Variants in MTUS1 observed in about 807,000 individuals in gnomAD.
MTUS1 encodes the protein microtubule associated scaffold protein 1.
MTUS1 carries 109 observed loss-of-function variants against 120.8 expected under a neutral mutation model. The ratio of observed to expected loss-of-function variants is 0.90; its 90% confidence interval spans 0.77 to 1.06. The LOEUF (loss-of-function observed/expected upper bound fraction) is 1.06, where lower values mean the gene tolerates loss of function less well. MTUS1 is among the 50% of genes least tolerant of loss of function. MTUS1 has a pLI of 0.00. For missense variants in MTUS1, 2,210 were observed against 1,486.3 expected (o/e 1.49, Z -8.01); for synonymous variants, 737 against 550.5 (o/e 1.34, Z -4.74).
At chr8:17,655,553 G>A (rs970820946) in intron 9 of MTUS1, among the ~76,000 whole-genome samples, 10 of 151,974 alleles carry the variant, frequency 6.6e-5, no homozygotes, top group Non-Finnish European at 8.8e-5. Context: ...GTGAAACCCC[G>A]TCTCTACTAA....
rs1306521303 is a variant in MTUS1, at chr8:17,649,874, T to G, written c.3473A>C (p.Asp1158Ala). 1 of 1,600,810 alleles carries G rather than the reference T, an allele frequency of 6.2e-7. No individual in the cohort carries two copies. The highest frequency in any genetic ancestry group is 1.1e-5 in the South Asian group (1 of 90,778). Residue 1158 changes from aspartate to alanine, a missense_variant, in exon 13 of 15, where the codon GAC (aspartate) becomes GCC (alanine). Physicochemically the swap from Asp to Ala is moderately radical, Grantham distance 126. Transcript: ENST00000693296. ...TTTCTCCATTTTCATTAACTTGATG[T>G]CCTGTTGATGCAGTTTCTCATTCTT... The part of the protein sequence containing the change: ...EIKNEKLHQQ[D>A]IKLMKMEKLV...
intron 7 of MTUS1, chr8:17,676,152 A>G (rs1258270697): frequency 1.5e-6 from 1 of 669,600 alleles, no homozygotes; most frequent in Non-Finnish European, 2.7e-6. Context: ...TGCAGAGATC[A>G]TGAGACCCGG....
chr8:17,715,709 C>A (rs1822183632), intron 5 of MTUS1, 58 bp downstream of exon 5: 2 of 1,523,756 alleles, frequency 1.3e-6, no homozygotes, highest in Non-Finnish European at 8.8e-7. Flanking sequence ...TAACTTTCTA[C>A]AAGCCAAGGA....
At chr8:17,772,782 T>C (rs180690092) in intron 1 of MTUS1, among the ~76,000 whole-genome samples, 41 of 152,280 alleles carry the variant, frequency 2.7e-4, no homozygotes, top group African/African-American at 7.5e-4. Flanking sequence ...GTAGTTCTTC[T>C]AATTTCTGAA....
chr8:17,707,681 T>C (rs1270715546), intron 6 of MTUS1, among the ~76,000 whole-genome samples: 1 of 152,130 alleles, frequency 6.6e-6, no homozygotes, highest in Admixed American at 6.6e-5. Context: ...GGACCCAGAA[T>C]AGCCATAACT....
intron 3 of MTUS1, among the ~76,000 whole-genome samples, chr8:17,729,464 G>A (rs1453803006): frequency 2.0e-5 from 3 of 151,064 alleles, no homozygotes; most frequent in African/African-American, 7.3e-5. Flanking sequence ...CTATGTGCCA[G>A]GAAAAAACAG....
At chr8:17,740,207 C>CAA (rs752658739) in intron 3 of MTUS1, among the ~76,000 whole-genome samples, 17 of 126,532 alleles carry the variant, frequency 1.3e-4, no homozygotes, top group East Asian at 4.5e-4. Context: ...GACTCCGTCT[C>CAA]AAAAAAAAAA....
chr8:17,800,120 T>C (rs557459323), intron 1 of MTUS1, among the ~76,000 whole-genome samples: 51 of 152,166 alleles, frequency 3.4e-4, no homozygotes, highest in Non-Finnish European at 5.6e-4. Flanking sequence ...TGTTATCTTG[T>C]ATATACCCTC....
At chr8:17,720,362 A>G (rs1269218440) in intron 4 of MTUS1, among the ~76,000 whole-genome samples, 3 of 152,020 alleles carry the variant, frequency 2.0e-5, no homozygotes, top group Admixed American at 1.3e-4. Flanking sequence ...AAAAAAACAA[A>G]AAACAAAAAA....
intron 4 of MTUS1, chr8:17,722,534 G>A (rs2045920570): frequency 1.0e-6 from 1 of 985,150 alleles, no homozygotes; most frequent in Admixed American, 6.2e-5. Flanking sequence ...ACATATCCCA[G>A]TATTCCTGAA....
chr8:17,777,183 C>T (rs912818090), intron 1 of MTUS1, among the ~76,000 whole-genome samples: 8 of 152,052 alleles, frequency 5.3e-5, no homozygotes, highest in African/African-American at 1.9e-4. Context: ...ATGCTTGTAA[C>T]CCCAGCACTT....
At chr8:17,761,214 T>C (rs1475070233) in intron 1 of MTUS1, among the ~76,000 whole-genome samples, 2 of 152,188 alleles carry the variant, frequency 1.3e-5, no homozygotes, top group Non-Finnish European at 2.9e-5. Flanking sequence ...TGAGGTATAA[T>C]TCCAATGCCT....
rs202144997 is a variant in MTUS1, at chr8:17,762,997, C to T, written c.-154-7036G>A. 6.1e-5 allele frequency among the ~76,000 whole-genome samples: 9 copies of T among 146,634 alleles called. No individual in the cohort carries two copies. The East Asian group carries it at 1.6e-3, about 26-fold the overall frequency. ...TGACTGCTTTCACATCCAATGGTAC[C>T]TTTTTTTTTTTTGAGACGAAGTCTT... On this transcript the variant is annotated intron_variant, in intron 1 of 14. Transcript: ENST00000693296.
chr8:17,669,566 C>T (rs539716043), intron 8 of MTUS1, among the ~76,000 whole-genome samples: 18 of 152,230 alleles, frequency 1.2e-4, no homozygotes, highest in African/African-American at 4.3e-4. Context: ...CCAGTACAGG[C>T]CAGGAGTGGT....
At chr8:17,647,781 A>C (rs1424213450) in intron 13 of MTUS1, among the ~76,000 whole-genome samples, 1 of 152,186 alleles carries the variant, frequency 6.6e-6, no homozygotes, top group African/African-American at 2.4e-5. Context: ...TTAATCACTT[A>C]ACATGATGAA....
At chr8:17,675,547 C>G (rs1812924981) in intron 7 of MTUS1, among the ~76,000 whole-genome samples, 1 of 152,174 alleles carries the variant, frequency 6.6e-6, no homozygotes, top group Non-Finnish European at 1.5e-5. Flanking sequence ...ATCCATAGAA[C>G]CTTTCGGCTA....
chr8:17,739,520 TAAATC>T (rs2047165024), intron 3 of MTUS1, among the ~76,000 whole-genome samples: 1 of 151,816 alleles, frequency 6.6e-6, no homozygotes, highest in African/African-American at 2.4e-5. Flanking sequence ...AATAAATTAA[TAAATC>T]AAACAAACAA....
At chr8:17,721,540 G>T (rs556381253) in intron 4 of MTUS1, among the ~76,000 whole-genome samples, 3 of 152,138 alleles carry the variant, frequency 2.0e-5, no homozygotes, top group East Asian at 3.9e-4. Flanking sequence ...AACAAAATTG[G>T]TCCTACACAG....
At chr8:17,646,272 C>G (rs1805774605) in intron 14 of MTUS1, 133 bp from the exon 15 acceptor site, 1 of 1,028,452 alleles carries the variant, frequency 9.7e-7, no homozygotes, top group Non-Finnish European at 1.4e-6. Flanking sequence ...CACAAGGTCA[C>G]AGGTATTTGG....
Sources: allele counts gnomAD v4.1 joint callset (sites outside exome capture counted in the v4.1 genomes callset), GRCh38; gene constraint gnomAD v4.1.1; transcripts MANE v1.5; gene names NCBI Gene and HGNC (gene_info 2026-07-23, HGNC 2026-07-21).